The following ZBTB7C variants were observed in gnomAD, a reference collection of about 807,000 sequenced individuals.
ZBTB7C encodes zinc finger and BTB domain-containing protein 7C.
ZBTB7C carries 8 observed loss-of-function variants against 25.7 expected under a neutral mutation model. The observed-to-expected ratio is 0.31, with a 90% CI of 0.18 to 0.56. ZBTB7C has a LOEUF of 0.56. Ranked by LOEUF, ZBTB7C falls within the 20% of genes least tolerant of loss-of-function variation. ZBTB7C has a pLI of 0.91. For synonymous variants in ZBTB7C, 394 were observed against 369.0 expected, an observed-to-expected ratio of 1.07 and a Z score of -0.78; for missense variants, 824 against 855.2, an observed-to-expected ratio of 0.96 and a Z score of 0.46.
At chr18:48,058,828 G>C (rs900374143) in intron 3 of ZBTB7C, among the ~76,000 whole-genome samples, 2 of 152,176 alleles carry the variant, frequency 1.3e-5, no homozygotes, top group African/African-American at 4.8e-5. Context: ...GGAAACCATT[G>C]TCATCTTGAG....
At chr18:48,089,191 G>A (rs768809834) in intron 3 of ZBTB7C, among the ~76,000 whole-genome samples, 4 of 152,078 alleles carry the variant, frequency 2.6e-5, no homozygotes, top group Admixed American at 6.5e-5. Context: ...AGTTTAGGCC[G>A]GGTGCAGTGG....
At chr18:48,254,471 G>A (rs1412192185) in intron 2 of ZBTB7C, among the ~76,000 whole-genome samples, 1 of 152,126 alleles carries the variant, frequency 6.6e-6, no homozygotes, top group Admixed American at 6.5e-5. Context: ...ATCAGGCTCT[G>A]CCTCCTCAAG....
chr18:48,180,112 T>TTTCCTTCCTTCCTTCCTCCCTTCCTTCC (rs2041867069), intron 3 of ZBTB7C, among the ~76,000 whole-genome samples: 2 of 52,088 alleles, frequency 3.8e-5, no homozygotes, highest in South Asian at 1.3e-3. Flanking sequence ...CCTTCCTTCC[T>TTTCCTTCCTTCCTTCCTCCCTTCCTTCC]TTCCTTCCTT....
chr18:48,112,310 C>G (rs1433385289), intron 3 of ZBTB7C, among the ~76,000 whole-genome samples: 1 of 132,130 alleles, frequency 7.6e-6, no homozygotes, highest in Non-Finnish European at 1.6e-5. Context: ...CCCACCCATC[C>G]TTCCTTCTTT....
At position 48,212,321 on chromosome 18, in the gene ZBTB7C, G is replaced by C. The variant is rs2042720979; in HGVS notation, c.-78-26326C>G. On this transcript the variant is annotated intron_variant, in intron 2 of 4. Transcript: ENST00000590800. ...ACAGTAAAAGGATTAGTGGTTTCCA[G>C]GGGTTGGGGGGAGGAATGAATAGGT... Among the ~76,000 whole-genome samples the C allele has an allele frequency of 2.0e-5, 3 of 152,200 alleles. No homozygotes were observed. The South Asian group carries it at 6.2e-4, about 32-fold the overall frequency.
chr18:48,312,657 T>G (rs1458576384), intron 2 of ZBTB7C, among the ~76,000 whole-genome samples: 1 of 152,146 alleles, frequency 6.6e-6, no homozygotes, highest in Non-Finnish European at 1.5e-5. Context: ...AGCAATGTTG[T>G]GAGAATTAAC....
At chr18:48,242,094 C>G (rs2043546603) in intron 2 of ZBTB7C, among the ~76,000 whole-genome samples, 1 of 152,050 alleles carries the variant, frequency 6.6e-6, no homozygotes, top group Admixed American at 6.5e-5. Context: ...ACTAGAAAAC[C>G]TAGAGGAAAT....
rs375291346 is a variant in ZBTB7C at position 48,041,139 on chromosome 18, G to C, written c.-16-16C>G. On this transcript the variant is annotated splice_polypyrimidine_tract_variant and intron_variant, in intron 3 of 4. Coordinates refer to ENST00000590800, the MANE Select transcript of ZBTB7C (RefSeq NM_001318841.2). ...AGCCAGAGCCCTGCAGAGACACACA[G>C]AGAAGAAGACTGGGTTAGTGAGCGT... 15 of 1,564,386 alleles carry C rather than the reference G, an allele frequency of 9.6e-6. No individual in the cohort carries two copies. The highest frequency in any genetic ancestry group is 2.3e-5 in the East Asian group (1 of 44,306).
chr18:48,375,817 C>T lies in ZBTB7C; in HGVS notation c.-304+33409G>A, dbSNP rs116630627. On this transcript the variant is annotated intron_variant, in intron 1 of 4. Coordinates refer to ENST00000590800, the MANE Select transcript of ZBTB7C (RefSeq NM_001318841.2). ...CTCTCCATAAATGTGAACTCCTTCT[C>T]GGATCCTGGCAACCAGTTGTCACTT... Among the ~76,000 whole-genome samples, 469 of 152,312 alleles carry T rather than the reference C, an allele frequency of 3.1e-3. 2 individuals are homozygous for T. Among genetic ancestry groups the T allele is most frequent in the African/African-American group, 0.011 (440 of 41,580 alleles).
chr18:48,096,676 G>T (rs1030571758), intron 3 of ZBTB7C, among the ~76,000 whole-genome samples: 2 of 152,106 alleles, frequency 1.3e-5, no homozygotes, highest in African/African-American at 4.8e-5. Flanking sequence ...TCTCACTTTC[G>T]GTCATAAGTC....
intron 1 of ZBTB7C, among the ~76,000 whole-genome samples, chr18:48,353,361 C>G (rs73957637): frequency 1.9e-3 from 285 of 152,262 alleles, no homozygotes; most frequent in African/African-American, 6.7e-3. Context: ...ACAGAAAACC[C>G]TCCTTATTCT....
chr18:48,239,535 C>T (rs1035370838), intron 2 of ZBTB7C, among the ~76,000 whole-genome samples: 4 of 152,208 alleles, frequency 2.6e-5, no homozygotes, highest in African/African-American at 2.4e-5. Context: ...AGATGAATCA[C>T]ACCACAGGAC....
intron 2 of ZBTB7C, among the ~76,000 whole-genome samples, chr18:48,309,745 G>A (rs2045767835): frequency 6.6e-6 from 1 of 152,172 alleles, no homozygotes; most frequent in African/African-American, 2.4e-5. Context: ...TATAAAAAAT[G>A]TACTACATTA....
chr18:48,190,928 A>G (rs75403967), intron 2 of ZBTB7C, among the ~76,000 whole-genome samples: 2 of 152,196 alleles, frequency 1.3e-5, no homozygotes, highest in Non-Finnish European at 2.9e-5. Context: ...TATAATCGGC[A>G]TGTGACACAA....
chr18:48,331,974 T>C (rs2046351198), intron 2 of ZBTB7C, among the ~76,000 whole-genome samples: 1 of 152,222 alleles, frequency 6.6e-6, no homozygotes, highest in African/African-American at 2.4e-5. Context: ...ATTCTAGATA[T>C]CATATCATGT....
chr18:48,395,269 G>A (rs75875925), intron 1 of ZBTB7C, among the ~76,000 whole-genome samples: 165 of 12,582 alleles, frequency 0.013, 1 homozygote, highest in African/African-American at 0.07. Context: ...GAGAGAATGT[G>A]TGTGTGTGTG....
intron 3 of ZBTB7C, among the ~76,000 whole-genome samples, chr18:48,142,793 C>T (rs1221886652): frequency 6.6e-6 from 1 of 151,874 alleles, no homozygotes; most frequent in Non-Finnish European, 1.5e-5. Context: ...TCTTGTCTTC[C>T]TTCCTCCCTC....
At chr18:48,211,338 G>T (rs577851798) in intron 2 of ZBTB7C, among the ~76,000 whole-genome samples, 2 of 152,216 alleles carry the variant, frequency 1.3e-5, no homozygotes, top group East Asian at 3.9e-4. Flanking sequence ...CAACTGGTAA[G>T]CTGAACCTCA....
chr18:48,037,063 G>A (rs559635089), intron 4 of ZBTB7C, among the ~76,000 whole-genome samples: 17 of 152,352 alleles, frequency 1.1e-4, no homozygotes, highest in Admixed American at 3.9e-4. Context: ...TAAAGCCTCT[G>A]AAGGGAGGCA....
Sources: gnomAD v4.1 joint callset for allele counts (sites outside exome capture counted in the v4.1 genomes callset) on GRCh38, gnomAD v4.1.1 for gene constraint, MANE v1.5 for transcripts, NCBI Gene and HGNC (gene_info 2026-07-23, HGNC 2026-07-21) for gene names.